Variants in PPP1R13B observed in about 807,000 individuals in gnomAD.
PPP1R13B encodes protein phosphatase 1 regulatory subunit 13B.
In PPP1R13B, 44 loss-of-function variants were observed where a neutral mutation model predicts 119.8. The observed-to-expected ratio is 0.37, with a 90% CI of 0.29 to 0.47. The LOEUF is 0.47. PPP1R13B is among the 20% of genes least tolerant of loss of function. The probability of loss-of-function intolerance (pLI) is 0.99; values close to 1 mark genes in which losing one functional copy is unlikely to be tolerated. For synonymous variants in PPP1R13B, 542 were observed against 561.5 expected (o/e 0.97, Z 0.49); for missense variants, 1,227 against 1,413.5 (o/e 0.87, Z 2.12).
At chr14:103,821,243 AAGG>A (rs1860939393) in intron 1 of PPP1R13B, among the ~76,000 whole-genome samples, 1 of 152,206 alleles carries the variant, frequency 6.6e-6, no homozygotes, top group African/African-American at 2.4e-5. Flanking sequence ...CTGAATATTA[AAGG>A]AGGTCTGTAA....
chr14:103,802,688 G>A (rs1252553745), intron 1 of PPP1R13B, among the ~76,000 whole-genome samples: 1 of 152,176 alleles, frequency 6.6e-6, no homozygotes, highest in Non-Finnish European at 1.5e-5. Context: ...TTGTCAGAAT[G>A]AAGGATGGTA....
At chr14:103,812,038 C>T (rs1595808845) in intron 1 of PPP1R13B, among the ~76,000 whole-genome samples, 1 of 116,192 alleles carries the variant, frequency 8.6e-6, no homozygotes. Flanking sequence ...CCACCCTGGG[C>T]GACAGAGCCA....
rs1233561533 is a variant in PPP1R13B, at chr14:103,846,568, A to T, written c.9+731T>A. 3.3e-5 allele frequency among the ~76,000 whole-genome samples: 5 copies of T among 152,194 alleles called. No homozygotes were observed. In the East Asian group the frequency reaches 9.6e-4, roughly 29 times the overall value. On this transcript the variant is annotated intron_variant, in intron 1 of 16. Transcript: ENST00000202556. ...AAGTCATGATGCTTACCTCCCAAAA[A>T]GCCAATTTTTAAAAATCAGAATTCA... is the stretch of plus-strand genomic sequence containing the variant.
intron 1 of PPP1R13B, among the ~76,000 whole-genome samples, chr14:103,798,725 C>T (rs2085821825): frequency 6.6e-6 from 1 of 151,638 alleles, no homozygotes; most frequent in Non-Finnish European, 1.5e-5. Flanking sequence ...TTTTTTGAGA[C>T]AGGGTCTCAC....
intron 1 of PPP1R13B, among the ~76,000 whole-genome samples, chr14:103,803,407 G>C (rs1469528979): frequency 6.6e-6 from 1 of 152,170 alleles, no homozygotes; most frequent in Non-Finnish European, 1.5e-5. Flanking sequence ...ACTTTGGGAG[G>C]CCAAGGCAGG....
At chr14:103,751,137 G>C (rs561212640) in intron 7 of PPP1R13B, among the ~76,000 whole-genome samples, 2 of 152,086 alleles carry the variant, frequency 1.3e-5, no homozygotes, top group African/African-American at 4.8e-5. Flanking sequence ...CTTGGACTCC[G>C]TCTCAAAAAA....
At chr14:103,763,196 T>C (rs923988556) in intron 4 of PPP1R13B, 18 of 587,560 alleles carry the variant, frequency 3.1e-5, no homozygotes, top group African/African-American at 3.0e-4. Flanking sequence ...AAATGTGGAA[T>C]GTGTCCATGA....
chr14:103,798,521 C>T (rs2085816561), intron 1 of PPP1R13B, among the ~76,000 whole-genome samples: 1 of 151,448 alleles, frequency 6.6e-6, no homozygotes, highest in Non-Finnish European at 1.5e-5. Flanking sequence ...AAATACAAAG[C>T]TAATCCCCTC....
chr14:103,848,411 C>T (rs1167875278), upstream of PPP1R13B: 2 of 985,366 alleles, frequency 2.0e-6, no homozygotes, highest in Admixed American at 6.1e-5. Flanking sequence ...GTGACAGAGC[C>T]CTGGGCAGGG....
Position 103,822,888 on chromosome 14 carries a change from A to G in PPP1R13B, c.9+24411T>C, listed in dbSNP as rs376159857. 9.8e-5 allele frequency among the ~76,000 whole-genome samples: 15 copies of G among 152,316 alleles called. No homozygotes were observed. The East Asian group carries it at 2.5e-3, about 25-fold the overall frequency. On this transcript the variant is annotated intron_variant, in intron 1 of 16. Coordinates refer to ENST00000202556, the MANE Select transcript of PPP1R13B (RefSeq NM_015316.3). ...GGAAAAGAACCATTTATGACATGCA[A>G]ATGAATGAGGTAGGTCATATCATCC...
intron 4 of PPP1R13B, among the ~76,000 whole-genome samples, chr14:103,758,426 A>G (rs962635291): frequency 2.0e-5 from 3 of 152,206 alleles, no homozygotes; most frequent in African/African-American, 7.2e-5. Context: ...TGTTTTACAG[A>G]TAAGAAAACA....
At chr14:103,792,508 G>A (rs1377381412) in intron 2 of PPP1R13B, among the ~76,000 whole-genome samples, 3 of 152,050 alleles carry the variant, frequency 2.0e-5, no homozygotes, top group Admixed American at 6.6e-5. Context: ...AGAAAGCTTC[G>A]CTATATTTTT....
chr14:103,761,886 T>G (rs1298343800), intron 4 of PPP1R13B, among the ~76,000 whole-genome samples: 1 of 152,244 alleles, frequency 6.6e-6, no homozygotes, highest in Non-Finnish European at 1.5e-5. Context: ...TTGTTCCTAG[T>G]CAGAGAACAG....
At chr14:103,839,203 G>A (rs891675970) in intron 1 of PPP1R13B, among the ~76,000 whole-genome samples, 6 of 151,844 alleles carry the variant, frequency 4.0e-5, no homozygotes, top group Admixed American at 6.6e-5. Flanking sequence ...TAGTAGAGAC[G>A]GGATTTCACC....
Position 103,738,971 on chromosome 14 carries a change from A to G in PPP1R13B, c.2645T>C (p.Leu882Pro). 6.2e-7 allele frequency: 1 copy of G among 1,614,086 alleles called. No individual in the cohort carries two copies. Among genetic ancestry groups the G allele is most frequent in the Non-Finnish European group, 8.5e-7 (1 of 1,180,002 alleles). ...KPNSERTGHG[L>P]RVRFNPLALL... is the part of the protein sequence containing the mutation. ...TGCCAGGGGGTTAAACCGGACTCTCAGCCCGTGCCCCGTCCGCTCCGAGTT... is the reference window on the plus strand; with the variant it reads ...TGCCAGGGGGTTAAACCGGACTCTCGGCCCGTGCCCCGTCCGCTCCGAGTT... The change falls in exon 13 of 17, where the codon CTG becomes CCG. Residue 882 changes from leucine to proline, a missense_variant. Leu to Pro is a moderately conservative substitution (Grantham distance 98, BLOSUM62 -3). Transcript: ENST00000202556. The surrounding 1 kb of genome is among the most constrained non-coding windows in gnomAD (Gnocchi z 5.6).
chr14:103,741,551 G>A (rs1043304992), intron 11 of PPP1R13B, among the ~76,000 whole-genome samples: 5 of 152,176 alleles, frequency 3.3e-5, no homozygotes, highest in Non-Finnish European at 5.9e-5. Context: ...AGTAGCACAC[G>A]GAGGTGGCTG....
chr14:103,804,800 G>C (rs936607520), intron 1 of PPP1R13B, among the ~76,000 whole-genome samples: 3 of 152,096 alleles, frequency 2.0e-5, no homozygotes, highest in Non-Finnish European at 4.4e-5. Flanking sequence ...CACAAGCATT[G>C]ACAAGGATGT....
intron 1 of PPP1R13B, among the ~76,000 whole-genome samples, chr14:103,826,259 G>A (rs2086539510): frequency 6.6e-6 from 1 of 152,126 alleles, no homozygotes; most frequent in African/African-American, 2.4e-5. Flanking sequence ...AAAGTAGTCT[G>A]GAACCAAACT....
chr14:103,819,870 A>G (rs1006775937), intron 1 of PPP1R13B, among the ~76,000 whole-genome samples: 1 of 152,210 alleles, frequency 6.6e-6, no homozygotes, highest in Non-Finnish European at 1.5e-5. Flanking sequence ...AAAGGAACTT[A>G]ACCGCTACAA....
Sources: allele counts gnomAD v4.1 joint callset (sites outside exome capture counted in the v4.1 genomes callset), GRCh38; gene constraint gnomAD v4.1.1; non-coding constraint Gnocchi (gnomAD v3.1); transcripts MANE v1.5; gene names NCBI Gene and HGNC (gene_info 2026-07-23, HGNC 2026-07-21).